RORA: variants seen among roughly 807,000 people sequenced by gnomAD.
RORA encodes nuclear receptor ROR-alpha.
A neutral mutation model predicts 69.5 loss-of-function variants in RORA; 7 were observed. The observed-to-expected ratio is 0.10, with a 90% confidence interval of 0.06 to 0.19. The LOEUF (loss-of-function observed/expected upper bound fraction) is 0.19. Ranked by LOEUF, RORA falls within the 10% of genes least tolerant of loss-of-function variation. The probability of loss-of-function intolerance (pLI) is 1.00; values close to 1 mark genes in which losing one functional copy is unlikely to be tolerated. For synonymous variants in RORA, 261 were observed against 240.8 expected (o/e 1.08, Z -0.78); for missense variants, 457 against 663.0 (o/e 0.69, Z 3.41).
At position 60,777,422 on chromosome 15, in the gene RORA, T is replaced by C. The variant is rs574027624; in HGVS notation, c.167-98736A>G. 1.4e-4 allele frequency among the ~76,000 whole-genome samples: 21 copies of C among 152,334 alleles called. No individual in the cohort carries two copies. In the South Asian group the frequency reaches 4.1e-3, roughly 30 times the overall value. ...CCTTAGGCAAATCACCTTGCCTCTC[T>C]GGGCCTCAGTTTTTCCAGTTAAGTT... On this transcript the variant is annotated intron_variant, in intron 1 of 10. Transcript: ENST00000335670.
intron 2 of RORA, among the ~76,000 whole-genome samples, chr15:60,577,419 G>A (rs1262287881): frequency 6.6e-6 from 1 of 152,044 alleles, no homozygotes; most frequent in Non-Finnish European, 1.5e-5. Context: ...TGAGACAGGC[G>A]GATCACCTGA....
intron 1 of RORA, among the ~76,000 whole-genome samples, chr15:61,112,018 C>T (rs2079010594): frequency 6.6e-6 from 1 of 152,174 alleles, no homozygotes; most frequent in South Asian, 2.1e-4. Context: ...TTAGACAGTA[C>T]CTGAGTAACT....
At chr15:61,037,772 C>T (rs868111915) in intron 1 of RORA, among the ~76,000 whole-genome samples, 69 of 152,230 alleles carry the variant, frequency 4.5e-4, no homozygotes, top group Admixed American at 1.3e-3. Context: ...AATTGTAAGG[C>T]AAGGTGGCCT....
At chr15:60,901,589 C>T (rs919708986) in intron 1 of RORA, among the ~76,000 whole-genome samples, 2 of 152,100 alleles carry the variant, frequency 1.3e-5, no homozygotes, top group Admixed American at 6.5e-5. Flanking sequence ...GTATTTATGT[C>T]CTAACAACTT....
intron 1 of RORA, among the ~76,000 whole-genome samples, chr15:61,200,826 G>A (rs2079889277): frequency 6.6e-6 from 1 of 152,112 alleles, no homozygotes; most frequent in African/African-American, 2.4e-5. Context: ...CATCTGCCAG[G>A]GCTTCTCCCA....
chr15:60,676,968 G>T (rs2070563374), intron 2 of RORA: 1 of 324,338 alleles, frequency 3.1e-6, no homozygotes, highest in Non-Finnish European at 6.3e-6. Context: ...CAGTGGAGCT[G>T]AAGTAGTGGT....
chr15:60,901,397 C>T (rs1330394117), intron 1 of RORA, among the ~76,000 whole-genome samples: 2 of 152,176 alleles, frequency 1.3e-5, no homozygotes, highest in African/African-American at 4.8e-5. Flanking sequence ...GTCTCGAACT[C>T]CTGACCTCAG....
At chr15:60,912,810 C>A (rs552071656) in intron 1 of RORA, among the ~76,000 whole-genome samples, 1 of 152,184 alleles carries the variant, frequency 6.6e-6, no homozygotes, top group Admixed American at 6.5e-5. Context: ...AAATCACCAC[C>A]TCTAGGTGCT....
intron 1 of RORA, among the ~76,000 whole-genome samples, chr15:60,684,894 A>G (rs2070717044): frequency 7.3e-6 from 1 of 137,316 alleles, no homozygotes; most frequent in African/African-American, 2.7e-5. Flanking sequence ...GAAGACACCT[A>G]TTATTTAAGC....
intron 1 of RORA, among the ~76,000 whole-genome samples, chr15:61,169,096 A>G (rs1372379155): frequency 7.0e-6 from 1 of 143,640 alleles, no homozygotes; most frequent in Non-Finnish European, 1.6e-5. Flanking sequence ...GCATAAGAAC[A>G]CTCCTGAAGG....
chr15:60,785,651 C>T (rs1039092461), intron 1 of RORA, among the ~76,000 whole-genome samples: 26 of 152,300 alleles, frequency 1.7e-4, no homozygotes, highest in Admixed American at 9.8e-4. Flanking sequence ...GCTGCAGCCT[C>T]GGTAGCCTTC....
chr15:61,076,773 C>T (rs912976884), intron 1 of RORA, among the ~76,000 whole-genome samples: 6 of 152,170 alleles, frequency 3.9e-5, no homozygotes, highest in African/African-American at 1.2e-4. Context: ...CTGCCATCAA[C>T]CGGATCTGAC....
At chr15:60,765,142 C>T (rs1026079846) in intron 1 of RORA, 28 of 152,006 alleles carry the variant, frequency 1.8e-4, no homozygotes, top group Admixed American at 1.4e-3. Context: ...GATCCCAGGG[C>T]CCATTTCTAA....
intron 1 of RORA, among the ~76,000 whole-genome samples, chr15:61,081,873 G>A (rs576115594): frequency 5.5e-4 from 83 of 151,386 alleles, no homozygotes; most frequent in African/African-American, 2.0e-3. Context: ...TAGACACCTA[G>A]TTGATTATTC....
chr15:60,789,006 G>C (rs949221796), intron 1 of RORA, among the ~76,000 whole-genome samples: 2 of 152,202 alleles, frequency 1.3e-5, no homozygotes, highest in Non-Finnish European at 2.9e-5. Context: ...TGGCTGCGAA[G>C]CAAATAAGCA....
chr15:60,992,873 A>G (rs1293075950), intron 1 of RORA, among the ~76,000 whole-genome samples: 3 of 152,242 alleles, frequency 2.0e-5, no homozygotes, highest in African/African-American at 7.2e-5. Context: ...AGAGAAAGCC[A>G]TATAGAAAAA....
At chr15:61,099,203 C>G (rs2078842642) in intron 1 of RORA, among the ~76,000 whole-genome samples, 1 of 152,208 alleles carries the variant, frequency 6.6e-6, no homozygotes, top group Non-Finnish European at 1.5e-5. Flanking sequence ...AGTGACTGTT[C>G]ATAACTGACT....
intron 1 of RORA, among the ~76,000 whole-genome samples, chr15:61,195,599 T>A (rs963224476): frequency 6.6e-6 from 1 of 152,152 alleles, no homozygotes; most frequent in African/African-American, 2.4e-5. Flanking sequence ...ATTGACCCCA[T>A]TGATAAGCAG....
chr15:60,989,111 C>T, intron 1 of RORA, among the ~76,000 whole-genome samples: 1 of 152,156 alleles, frequency 6.6e-6, no homozygotes, highest in East Asian at 1.9e-4. Context: ...GTGCACAATT[C>T]AGTGGTATTT....
Sources: gnomAD v4.1 joint callset for allele counts (sites outside exome capture counted in the v4.1 genomes callset) on GRCh38, gnomAD v4.1.1 for gene constraint, MANE v1.5 for transcripts, NCBI Gene and HGNC (gene_info 2026-07-23, HGNC 2026-07-21) for gene names.